Variants in ZNF609 observed in about 807,000 individuals in gnomAD.
ZNF609 encodes the protein zinc finger protein 609.
Under a neutral mutation model 109.5 loss-of-function variants are expected in ZNF609, and 11 were observed. The ratio of observed to expected loss-of-function variants is 0.10; its 90% confidence interval spans 0.06 to 0.17. ZNF609 has a LOEUF of 0.17. Among genes scored for constraint, ZNF609 ranks in the 10% least tolerant of loss-of-function variants. The probability of loss-of-function intolerance (pLI) is 1.00; values close to 1 mark genes in which losing one functional copy is unlikely to be tolerated. For synonymous variants in ZNF609, 646 were observed against 662.0 expected (o/e 0.98, Z 0.37); for missense variants, 1,559 against 1,772.4 (o/e 0.88, Z 2.16).
At position 64,571,827 on chromosome 15, in the gene ZNF609, G is replaced by A. The variant is rs926849414; in HGVS notation, c.748-51000G>A. ...TGGGGTTACAGGTGCCCACCACCAC[G>A]CCTGGATAATTTTTGTATTTTTTTA... On this transcript the variant is annotated intron_variant, in intron 2 of 9. Transcript: ENST00000326648. 2.6e-5 allele frequency among the ~76,000 whole-genome samples: 4 copies of A among 152,212 alleles called. No individual in the cohort carries two copies. In the East Asian group the frequency reaches 5.8e-4, roughly 22 times the overall value.
At chr15:64,480,210 G>A (rs764848050) in intron 1 of ZNF609, among the ~76,000 whole-genome samples, 3 of 151,892 alleles carry the variant, frequency 2.0e-5, no homozygotes, top group Non-Finnish European at 4.4e-5. Flanking sequence ...CTGCACTCCA[G>A]CCTGGGCAAC....
chr15:64,475,188 G>C lies in ZNF609; in HGVS notation c.-128+14350G>C, dbSNP rs187921561. Among the ~76,000 whole-genome samples the C allele has an allele frequency of 1.3e-3, 133 of 104,164 alleles. 1 individual carries two copies. Among genetic ancestry groups the C allele is most frequent in the Admixed American group, 8.0e-3 (69 of 8,636 alleles). The allele number at this position is 104,164 out of a possible 152,430, so 68.3% of individuals were successfully genotyped here. On this transcript the variant is annotated intron_variant, in intron 1 of 9. Transcript: ENST00000326648. ...TTCTTAGGGTTTTTTTTTCTCTTCTGTTCTGTTGGAATGCACTACCTTGCT... is the reference window on the plus strand; with the variant it reads ...TTCTTAGGGTTTTTTTTTCTCTTCTCTTCTGTTGGAATGCACTACCTTGCT...
rs1432332476 is a variant in ZNF609 at position 64,499,435 on chromosome 15, G to A, written c.16G>A (p.Gly6Arg). 1 of 1,613,796 alleles carries A rather than the reference G, an allele frequency of 6.2e-7. No individual in the cohort carries two copies. The highest frequency in any genetic ancestry group is 1.1e-5 in the South Asian group (1 of 91,056). ...TGACTCTAAGATGTCCTTGAGCAGT[G>A]GAGCCTCCGGAGGGAAAGGAGTGGA... The part of the protein sequence containing the change: MSLSS[G>R]ASGGKGVDAN... Residue 6 changes from glycine to arginine, a missense_variant, in exon 2 of 10, where the codon GGA (glycine) becomes AGA (arginine). Gly to Arg is a moderately radical substitution (Grantham distance 125, BLOSUM62 -2). Around this residue, in one of 4 missense-constraint regions of ZNF609, gnomAD observed 26 missense variants for 58.4 expected, o/e 0.44. Transcript: ENST00000326648.
At chr15:64,601,802 A>C (rs1895502191) in intron 2 of ZNF609, among the ~76,000 whole-genome samples, 1 of 152,210 alleles carries the variant, frequency 6.6e-6, no homozygotes, top group Admixed American at 6.5e-5. Context: ...ATCCTAGAAC[A>C]GGATATAAAC....
At chr15:64,533,057 CTT>C (rs796998997) in intron 2 of ZNF609, among the ~76,000 whole-genome samples, 2 of 144,298 alleles carry the variant, frequency 1.4e-5, no homozygotes, top group East Asian at 2.0e-4. Flanking sequence ...ATAATTGCTG[CTT>C]TTTTTTTTTT....
At chr15:64,623,630 C>T (rs1459453420) in intron 3 of ZNF609, among the ~76,000 whole-genome samples, 1 of 152,174 alleles carries the variant, frequency 6.6e-6, no homozygotes, top group African/African-American at 2.4e-5. Context: ...CAGGCATCCA[C>T]TAAGCAGTTG....
chr15:64,659,413 A>G (rs1896542067), intron 3 of ZNF609, among the ~76,000 whole-genome samples: 1 of 152,230 alleles, frequency 6.6e-6, no homozygotes, highest in Non-Finnish European at 1.5e-5. Context: ...AGTGGATGAT[A>G]GAGCTACGTT....
At chr15:64,537,583 C>T (rs1894175931) in intron 2 of ZNF609, among the ~76,000 whole-genome samples, 1 of 151,476 alleles carries the variant, frequency 6.6e-6, no homozygotes, top group Admixed American at 6.6e-5. Context: ...AATACTAGAG[C>T]TGTATTACAC....
chr15:64,588,722 T>A (rs145925470), intron 2 of ZNF609, among the ~76,000 whole-genome samples: 1 of 150,536 alleles, frequency 6.6e-6, no homozygotes, highest in African/African-American at 2.4e-5. Flanking sequence ...AATGGCAAAC[T>A]CTGCCTCCAG....
intron 2 of ZNF609, among the ~76,000 whole-genome samples, chr15:64,541,974 T>C (rs1894273353): frequency 6.6e-6 from 1 of 152,082 alleles, no homozygotes; most frequent in Non-Finnish European, 1.5e-5. Context: ...TCAGTGGATC[T>C]GTTTCTTCCC....
At chr15:64,616,515 T>C (rs1895800178) in intron 2 of ZNF609, among the ~76,000 whole-genome samples, 3 of 9,324 alleles carry the variant, frequency 3.2e-4, no homozygotes, top group East Asian at 0.014. Context: ...AACTGATATC[T>C]TTTTTTTTTT....
At chr15:64,533,122 C>T (rs1254355771) in intron 2 of ZNF609, among the ~76,000 whole-genome samples, 2 of 151,822 alleles carry the variant, frequency 1.3e-5, no homozygotes, top group African/African-American at 4.8e-5. Flanking sequence ...GCAATCTTGG[C>T]TGACTGCAAC....
At chr15:64,681,027 G>A (rs1011384079) in intron 8 of ZNF609, among the ~76,000 whole-genome samples, 165 bp downstream of exon 8, 3 of 150,772 alleles carry the variant, frequency 2.0e-5, no homozygotes, top group Admixed American at 6.6e-5. Flanking sequence ...CTAACCTCCT[G>A]CAGTCATTAA....
intron 1 of ZNF609, among the ~76,000 whole-genome samples, chr15:64,469,035 T>TGA (rs1893053629): frequency 6.9e-5 from 1 of 14,586 alleles, no homozygotes; most frequent in African/African-American, 9.5e-5. Flanking sequence ...GCCTCATATC[T>TGA]TAAAAAAAAA....
At chr15:64,485,400 T>C (rs190137109) in intron 1 of ZNF609, among the ~76,000 whole-genome samples, 12 of 152,328 alleles carry the variant, frequency 7.9e-5, no homozygotes, top group African/African-American at 2.9e-4. Context: ...ATAAATAAAA[T>C]ATGTTTAACG....
At chr15:64,539,207 T>A (rs1894206669) in intron 2 of ZNF609, among the ~76,000 whole-genome samples, 1 of 146,938 alleles carries the variant, frequency 6.8e-6, no homozygotes. Flanking sequence ...TATTTATTTA[T>A]TATTTTTTAT....
At chr15:64,634,795 C>T (rs1357578280) in intron 3 of ZNF609, among the ~76,000 whole-genome samples, 1 of 152,040 alleles carries the variant, frequency 6.6e-6, no homozygotes, top group African/African-American at 2.4e-5. Flanking sequence ...TGTCTGACAC[C>T]ACAAATCTTC....
chr15:64,645,293 G>A (rs1231067833), intron 3 of ZNF609, among the ~76,000 whole-genome samples: 1 of 151,880 alleles, frequency 6.6e-6, no homozygotes, highest in East Asian at 1.9e-4. Flanking sequence ...GTCTCACCAT[G>A]TTACTTAGGC....
At chr15:64,668,952 CA>C (rs538954402) in intron 3 of ZNF609, among the ~76,000 whole-genome samples, 2,005 of 35,004 alleles carry the variant, frequency 0.057, 8 homozygotes, top group African/African-American at 0.14. Context: ...AACTCCGTCT[CA>C]AAAAAAAAAA....
Sources: gnomAD v4.1 joint callset for allele counts (sites outside exome capture counted in the v4.1 genomes callset) on GRCh38, gnomAD v4.1.1 for gene constraint, gnomAD v4.1.1 regional missense constraint, MANE v1.5 for transcripts, NCBI Gene and HGNC (gene_info 2026-07-23, HGNC 2026-07-21) for gene names.